The following CADM1 variants were observed in gnomAD, a reference collection of about 807,000 sequenced individuals.
CADM1 encodes the protein TSLC-1.
CADM1 carries 15 observed loss-of-function variants against 53.1 expected under a neutral mutation model. That is an observed-to-expected ratio of 0.28 (90% CI 0.19 to 0.44). The LOEUF is 0.44. Ranked by LOEUF, CADM1 falls within the 20% of genes least tolerant of loss-of-function variation. The probability of loss-of-function intolerance (pLI) is 1.00; values close to 1 mark genes in which losing one functional copy is unlikely to be tolerated. For synonymous variants in CADM1, 281 were observed against 243.0 expected (o/e 1.16, Z -1.45); for missense variants, 434 against 611.3 (o/e 0.71, Z 3.06).
chr11:115,259,109 C>A (rs564538082), intron 1 of CADM1, among the ~76,000 whole-genome samples: 1 of 152,040 alleles, frequency 6.6e-6, no homozygotes, highest in Non-Finnish European at 1.5e-5. Flanking sequence ...CCTCAGCCTC[C>A]CAAGTAGCTG....
intron 1 of CADM1, among the ~76,000 whole-genome samples, chr11:115,468,730 A>T (rs1948946792): frequency 6.6e-6 from 1 of 152,144 alleles, no homozygotes; most frequent in South Asian, 2.1e-4. Context: ...CTACAGGAAA[A>T]CCCAGACTAG....
At position 115,372,679 on chromosome 11, in the gene CADM1, A is replaced by T. The variant is rs139663020; in HGVS notation, c.124+131592T>A. On this transcript the variant is annotated intron_variant, in intron 1 of 11. Transcript: ENST00000331581. Reference sequence around the variant, plus strand: ...GGTGTAGTCATTTCCAGGCTAATTAACTTCTTTTTCACCTATTATCAATAC... The same window carrying T: ...GGTGTAGTCATTTCCAGGCTAATTATCTTCTTTTTCACCTATTATCAATAC... 1.2e-3 allele frequency among the ~76,000 whole-genome samples: 188 copies of T among 152,322 alleles called. 2 individuals carry two copies. In the East Asian group the frequency reaches 0.018, roughly 14 times the overall value.
intron 1 of CADM1, among the ~76,000 whole-genome samples, chr11:115,430,596 T>C (rs1948021844): frequency 6.6e-6 from 1 of 152,184 alleles, no homozygotes. Context: ...ATTTCAGTAA[T>C]TAATATGAGT....
Position 115,229,194 on chromosome 11 carries a change from C to T in CADM1, c.640G>A (p.Asp214Asn), listed in dbSNP as rs763192450. ...ACCTGGCAGATCACTGGGACCCCAT[C>T]GTCCTCCTTGTGCACCTTCAGCATC... ...QLMLKVHKEDDGVPVICQVEH... is the reference protein window; with the variant it reads ...QLMLKVHKEDNGVPVICQVEH... The change falls in exon 5 of 12, where the codon GAT becomes AAT. Residue 214 changes from aspartate to asparagine, a missense_variant. Transcript: ENST00000331581. The T allele has an allele frequency of 5.6e-6, 9 of 1,614,124 alleles. No homozygotes were observed. Among genetic ancestry groups the T allele is most frequent in the Non-Finnish European group, 7.6e-6 (9 of 1,180,008 alleles).
intron 1 of CADM1, among the ~76,000 whole-genome samples, chr11:115,425,750 A>T (rs1591220062): frequency 6.6e-6 from 1 of 152,368 alleles, no homozygotes; most frequent in African/African-American, 2.4e-5. Context: ...ATGAATTAAT[A>T]GCTTGACACT....
chr11:115,295,506 T>TTATA (rs71066412), intron 1 of CADM1, among the ~76,000 whole-genome samples: 2,258 of 53,990 alleles, frequency 0.042, 47 homozygotes, highest in Middle Eastern at 0.057. Context: ...TCAAGATATT[T>TTATA]TATATATATA....
chr11:115,398,646 T>C (rs1302338011), intron 1 of CADM1, among the ~76,000 whole-genome samples: 2 of 152,256 alleles, frequency 1.3e-5, no homozygotes, highest in African/African-American at 4.8e-5. Flanking sequence ...GTCATTTGTT[T>C]AAATTCCATT....
intron 3 of CADM1, among the ~76,000 whole-genome samples, chr11:115,236,513 C>A (rs938831539): frequency 1.3e-5 from 2 of 152,096 alleles, no homozygotes; most frequent in African/African-American, 4.8e-5. Flanking sequence ...CAAGTAGGAA[C>A]CTATTACTTC....
At chr11:115,465,735 A>T (rs1948886204) in intron 1 of CADM1, among the ~76,000 whole-genome samples, 1 of 152,116 alleles carries the variant, frequency 6.6e-6, no homozygotes, top group African/African-American at 2.4e-5. Flanking sequence ...TGCCTCCCTT[A>T]GATTTTTTTT....
chr11:115,475,242 G>A (rs917682177), intron 1 of CADM1, among the ~76,000 whole-genome samples: 2 of 151,892 alleles, frequency 1.3e-5, no homozygotes, highest in Non-Finnish European at 2.9e-5. Flanking sequence ...TTTTTTATTT[G>A]TATCATTTTT....
intron 1 of CADM1, among the ~76,000 whole-genome samples, chr11:115,312,561 T>C (rs927799127): frequency 6.6e-6 from 1 of 152,158 alleles, no homozygotes; most frequent in African/African-American, 2.4e-5. Flanking sequence ...AGCAACAAGA[T>C]ATATCAAGGA....
At chr11:115,368,809 A>G (rs556993938) in intron 1 of CADM1, among the ~76,000 whole-genome samples, 13 of 152,170 alleles carry the variant, frequency 8.5e-5, no homozygotes, top group African/African-American at 2.9e-4. Flanking sequence ...GGAATGTCCT[A>G]TATCTATGCT....
At position 115,424,572 on chromosome 11, in the gene CADM1, G is replaced by T. The variant is rs1403778424; in HGVS notation, c.124+79699C>A. Among the ~76,000 whole-genome samples, 6 of 152,050 alleles carry T rather than the reference G, an allele frequency of 3.9e-5. No individual in the cohort carries two copies. The East Asian group carries it at 1.2e-3, about 29-fold the overall frequency. ...AGATGGAGTCTCGCACTGTCTCCCAGGCTGGAGTGCAGTGGCGAGATCTCT... is the reference window on the plus strand; with the variant it reads ...AGATGGAGTCTCGCACTGTCTCCCATGCTGGAGTGCAGTGGCGAGATCTCT... On this transcript the variant is annotated intron_variant, in intron 1 of 11. Coordinates refer to ENST00000331581, the MANE Select transcript of CADM1 (RefSeq NM_001301043.2).
intron 1 of CADM1, among the ~76,000 whole-genome samples, chr11:115,384,621 AGGATTAGCCAAGTGAAACCCT>A (rs1946655244): frequency 6.6e-6 from 1 of 152,220 alleles, no homozygotes; most frequent in Non-Finnish European, 1.5e-5. Context: ...ACCTCTCTAG[AGGATTAGCCAAGTGAAACCCT>A]GGATTGTGTA....
intron 1 of CADM1, among the ~76,000 whole-genome samples, chr11:115,340,766 T>C (rs922579959): frequency 6.1e-5 from 9 of 147,626 alleles, no homozygotes; most frequent in African/African-American, 2.0e-4. Flanking sequence ...GTTCAAGACA[T>C]TCTGGTGCCT....
At chr11:115,362,967 T>C (rs1483527735) in intron 1 of CADM1, among the ~76,000 whole-genome samples, 3 of 152,314 alleles carry the variant, frequency 2.0e-5, no homozygotes, top group Non-Finnish European at 2.9e-5. Flanking sequence ...GACAGAAATA[T>C]AGAGCAAAGC....
intron 1 of CADM1, among the ~76,000 whole-genome samples, chr11:115,382,069 T>G (rs1057489841): frequency 2.0e-5 from 3 of 152,070 alleles, no homozygotes; most frequent in African/African-American, 7.2e-5. Flanking sequence ...GGTCTCAAAC[T>G]CCTGACCTCA....
Position 115,490,432 on chromosome 11 carries a change from T to G in CADM1, c.124+13839A>C, listed in dbSNP as rs12417834. The stretch of plus-strand genomic sequence containing the variant: ...TTTTTTTTTTGAGACAGAGTCTTGC[T>G]CTGTCGCCCAGGCTGGAATGCAGGG... On this transcript the variant is annotated intron_variant, in intron 1 of 11. Coordinates refer to ENST00000331581, the MANE Select transcript of CADM1 (RefSeq NM_001301043.2). Among the ~76,000 whole-genome samples, 1,095 of 143,376 alleles carry G rather than the reference T, an allele frequency of 7.6e-3. 56 individuals are homozygous for G. Among genetic ancestry groups the G allele is most frequent in the Admixed American group, 0.074 (1,025 of 13,790 alleles). The allele number at this position is 143,376 out of a possible 152,430, so 94.1% of individuals were successfully genotyped here.
intron 1 of CADM1, among the ~76,000 whole-genome samples, chr11:115,426,644 C>G (rs1591221493): frequency 6.6e-6 from 1 of 152,200 alleles, no homozygotes; most frequent in South Asian, 2.1e-4. Flanking sequence ...TCACTGCATC[C>G]TCTGCTGCAC....
Sources: gnomAD v4.1 joint callset for allele counts (sites outside exome capture counted in the v4.1 genomes callset) on GRCh38, gnomAD v4.1.1 for gene constraint, MANE v1.5 for transcripts, NCBI Gene and HGNC (gene_info 2026-07-23, HGNC 2026-07-21) for gene names.